Variants in KCNIP1 observed in about 807,000 individuals in gnomAD.
The protein encoded by KCNIP1 is potassium voltage-gated channel interacting protein 1.
Under a neutral mutation model 33.0 loss-of-function variants are expected in KCNIP1, and 18 were observed. That is an observed-to-expected ratio of 0.55 (90% confidence interval 0.38 to 0.81). KCNIP1 has a LOEUF of 0.81. KCNIP1 is among the 30% of genes least tolerant of loss of function. The pLI is 0.00. For missense variants in KCNIP1, 238 were observed against 271.6 expected, an observed-to-expected ratio of 0.88 and a Z score of 0.87; for synonymous variants, 93 against 98.3, an observed-to-expected ratio of 0.95 and a Z score of 0.32.
intron 3 of KCNIP1, 24 bp from the exon 4 acceptor site, chr5:170,721,809 C>T: frequency 6.2e-7 from 1 of 1,614,196 alleles, no homozygotes; most frequent in Non-Finnish European, 8.5e-7. Flanking sequence ...CCCCCATCAC[C>T]TGCCCTCCTT....
At chr5:170,651,461 A>ATATCTGACCTCAAACCAAGAC (rs1376212163) in intron 1 of KCNIP1, among the ~76,000 whole-genome samples, 1 of 152,196 alleles carries the variant, frequency 6.6e-6, no homozygotes, top group East Asian at 1.9e-4. Context: ...CTTAATGCTT[A>ATATCTGACCTCAAACCAAGAC]TATCTGACCT....
chr5:170,448,903 T>G (rs1202378023), intron 1 of KCNIP1, among the ~76,000 whole-genome samples: 1 of 152,244 alleles, frequency 6.6e-6, no homozygotes, highest in Admixed American at 6.5e-5. Context: ...GTTCCCGTAT[T>G]ACAGATGAGA....
intron 1 of KCNIP1, among the ~76,000 whole-genome samples, chr5:170,365,820 A>G (rs1205732525): frequency 6.6e-6 from 1 of 152,272 alleles, no homozygotes; most frequent in Non-Finnish European, 1.5e-5. Flanking sequence ...TGTGTGCAAT[A>G]ATGCCAATAC....
At chr5:170,614,871 C>T (rs868114148) in intron 1 of KCNIP1, among the ~76,000 whole-genome samples, 1 of 152,226 alleles carries the variant, frequency 6.6e-6, no homozygotes, top group Non-Finnish European at 1.5e-5. Flanking sequence ...GTTGTTTACA[C>T]CCCCTCTCAG....
At chr5:170,700,904 A>G (rs527924717) in intron 1 of KCNIP1, among the ~76,000 whole-genome samples, 2 of 152,334 alleles carry the variant, frequency 1.3e-5, no homozygotes, top group Non-Finnish European at 2.9e-5. Context: ...GACCACCCCA[A>G]TATAATATTT....
At chr5:170,584,988 C>A (rs1446038798) in intron 1 of KCNIP1, among the ~76,000 whole-genome samples, 1 of 152,066 alleles carries the variant, frequency 6.6e-6, no homozygotes, top group African/African-American at 2.4e-5. Flanking sequence ...CCTTTACAGG[C>A]ATTATCCCAT....
At chr5:170,683,128 T>C (rs1467775091) in intron 1 of KCNIP1, among the ~76,000 whole-genome samples, 1 of 152,190 alleles carries the variant, frequency 6.6e-6, no homozygotes, top group Non-Finnish European at 1.5e-5. Context: ...GTAGAGAACA[T>C]ATGTTGAGAA....
chr5:170,399,077 A>T (rs1754831031), intron 1 of KCNIP1, among the ~76,000 whole-genome samples: 2 of 149,850 alleles, frequency 1.3e-5, no homozygotes, highest in Admixed American at 1.3e-4. Context: ...ACTTGCAAGA[A>T]ATTAGAAGGA....
At chr5:170,354,475 C>G (rs1221661832) in intron 1 of KCNIP1, among the ~76,000 whole-genome samples, 1 of 152,200 alleles carries the variant, frequency 6.6e-6, no homozygotes, top group Non-Finnish European at 1.5e-5. Flanking sequence ...AGAGCCTCCT[C>G]TCATAGGGTT....
chr5:170,712,942 C>T, intron 1 of KCNIP1: 1 of 1,410,448 alleles, frequency 7.1e-7, no homozygotes, highest in Non-Finnish European at 1.0e-6. Context: ...AAAGGCAGAG[C>T]TTCTTAATCA....
intron 1 of KCNIP1, among the ~76,000 whole-genome samples, chr5:170,708,793 A>C (rs1209994210): frequency 6.6e-6 from 1 of 152,176 alleles, no homozygotes; most frequent in Non-Finnish European, 1.5e-5. Context: ...CAGCTACTCA[A>C]GAGGCTGAGG....
intron 1 of KCNIP1, among the ~76,000 whole-genome samples, chr5:170,520,070 CAGG>C (rs1021172548): frequency 1.9e-4 from 29 of 152,292 alleles, no homozygotes; most frequent in African/African-American, 6.3e-4. Context: ...ACGTGTCAAA[CAGG>C]AGGAGTTCCT....
At chr5:170,391,257 G>T (rs1754583079) in intron 1 of KCNIP1, among the ~76,000 whole-genome samples, 1 of 152,182 alleles carries the variant, frequency 6.6e-6, no homozygotes, top group South Asian at 2.1e-4. Context: ...GCAACAGGCT[G>T]CCATTTATGA....
chr5:170,602,125 G>A (rs1223593980), intron 1 of KCNIP1, among the ~76,000 whole-genome samples: 1 of 152,208 alleles, frequency 6.6e-6, no homozygotes, highest in East Asian at 1.9e-4. Flanking sequence ...TTGTGGAACT[G>A]TGAAAGTGTA....
intron 1 of KCNIP1, among the ~76,000 whole-genome samples, chr5:170,541,832 G>A (rs1346830588): frequency 6.6e-6 from 1 of 152,194 alleles, no homozygotes; most frequent in Non-Finnish European, 1.5e-5. Flanking sequence ...AGGTCCATTT[G>A]CACATCTACA....
At chr5:170,692,398 G>A (rs1207461527) in intron 1 of KCNIP1, among the ~76,000 whole-genome samples, 2 of 152,190 alleles carry the variant, frequency 1.3e-5, no homozygotes, top group African/African-American at 2.4e-5. Context: ...AAGAATCAAT[G>A]CTAAGCAGCT....
At chr5:170,636,864 G>A (rs771811431) in intron 1 of KCNIP1, among the ~76,000 whole-genome samples, 1 of 152,120 alleles carries the variant, frequency 6.6e-6, no homozygotes, top group Non-Finnish European at 1.5e-5. Flanking sequence ...CCAATTTGCA[G>A]ATGGATAAGC....
intron 1 of KCNIP1, among the ~76,000 whole-genome samples, chr5:170,435,746 C>T (rs1163145219): frequency 1.3e-5 from 2 of 152,190 alleles, no homozygotes; most frequent in Admixed American, 6.5e-5. Flanking sequence ...GTGCACGGAG[C>T]CCAGCAAGGT....
intron 1 of KCNIP1, among the ~76,000 whole-genome samples, chr5:170,355,695 G>A (rs113140013): frequency 0.021 from 3,135 of 152,290 alleles, 113 homozygotes; most frequent in African/African-American, 0.069. Flanking sequence ...GCTGCCAGAG[G>A]GAGCAACATC....
Sources: gnomAD v4.1 joint callset for allele counts (sites outside exome capture counted in the v4.1 genomes callset) on GRCh38, gnomAD v4.1.1 for gene constraint, MANE v1.5 for transcripts, NCBI Gene and HGNC (gene_info 2026-07-23, HGNC 2026-07-21) for gene names.